Variants in ANKS1B observed in about 807,000 individuals in gnomAD.
The protein encoded by ANKS1B is ankyrin repeat and sterile alpha motif domain containing 1B.
In ANKS1B, 36 loss-of-function variants were observed where a neutral mutation model predicts 148.3. The observed-to-expected ratio is 0.24, with a 90% CI of 0.19 to 0.32. The LOEUF (loss-of-function observed/expected upper bound fraction) is 0.32, where lower values mean the gene tolerates loss of function less well. Among genes scored for constraint, ANKS1B ranks in the 10% least tolerant of loss-of-function variants. ANKS1B has a pLI of 1.00. For synonymous variants in ANKS1B, 542 were observed against 560.8 expected (o/e 0.97, Z 0.47); for missense variants, 1,157 against 1,542.6 (o/e 0.75, Z 4.19).
intron 14 of ANKS1B, among the ~76,000 whole-genome samples, chr12:99,160,420 T>C (rs1350353428): frequency 1.3e-5 from 2 of 151,588 alleles, no homozygotes; most frequent in South Asian, 2.1e-4. Flanking sequence ...CTCACTGCAA[T>C]CTCCGCCTCC....
intron 17 of ANKS1B, among the ~76,000 whole-genome samples, chr12:99,042,740 C>T (rs2099959888): frequency 6.6e-6 from 1 of 152,136 alleles, no homozygotes; most frequent in South Asian, 2.1e-4. Context: ...ACAACAATAT[C>T]TAGCAGACAG....
At chr12:98,810,918 G>A (rs763069325) in intron 19 of ANKS1B, among the ~76,000 whole-genome samples, 7 of 152,188 alleles carry the variant, frequency 4.6e-5, no homozygotes, top group Admixed American at 2.0e-4. Context: ...CTCGGTCTGC[G>A]CTTTGACTTC....
intron 6 of ANKS1B, among the ~76,000 whole-genome samples, chr12:99,777,422 C>A (rs2063759670): frequency 6.6e-6 from 1 of 152,172 alleles, no homozygotes; most frequent in South Asian, 2.1e-4. Flanking sequence ...AAGATAGTTA[C>A]TCCCATGTAA....
At position 98,809,649 on chromosome 12, in the gene ANKS1B, GA is replaced by G. The variant is rs1200001353; in HGVS notation, c.3067-1732del. 2.0e-5 allele frequency among the ~76,000 whole-genome samples: 3 copies of G among 152,184 alleles called. No individual in the cohort carries two copies. The East Asian group carries it at 5.8e-4, about 29-fold the overall frequency. ...TGTGAGCCTGGTACTGATGTCACCA[GA>G]AGGCAGAGGGCCACTCCAGCTATAT... On this transcript the variant is annotated intron_variant, in intron 19 of 26. Transcript: ENST00000683438.
chr12:99,055,726 G>GGC (rs1555196743), intron 16 of ANKS1B, among the ~76,000 whole-genome samples: 2 of 150,402 alleles, frequency 1.3e-5, no homozygotes, highest in Non-Finnish European at 3.0e-5. Context: ...AAACTTGGGG[G>GGC]GGGGGGAGGT....
chr12:99,284,771 T>C (rs924086857), intron 12 of ANKS1B, among the ~76,000 whole-genome samples: 1 of 152,172 alleles, frequency 6.6e-6, no homozygotes, highest in Non-Finnish European at 1.5e-5. Context: ...TGGAACAACG[T>C]CCAAGCTCCT....
Position 99,159,487 on chromosome 12 carries a change from T to A in ANKS1B, c.2420-5092A>T, listed in dbSNP as rs186093689. Among the ~76,000 whole-genome samples the A allele has an allele frequency of 3.4e-3, 520 of 152,330 alleles. 2 individuals are homozygous for A. Among genetic ancestry groups the A allele is most frequent in the African/African-American group, 0.012 (487 of 41,568 alleles). On this transcript the variant is annotated intron_variant, in intron 14 of 26. Transcript: ENST00000683438. ...AGTGAGAACATACAGTACTTGGTTT[T>A]CTGTTCCTGCATTAATTTCCTTAGA...
chr12:99,068,697 G>A (rs1049399157), intron 16 of ANKS1B, among the ~76,000 whole-genome samples: 2 of 126,228 alleles, frequency 1.6e-5, no homozygotes, highest in Non-Finnish European at 3.5e-5. Context: ...TGGGAGGGGT[G>A]GGGGGCAGAG....
intron 14 of ANKS1B, among the ~76,000 whole-genome samples, chr12:99,187,392 G>T (rs568639200): frequency 6.6e-6 from 1 of 152,060 alleles, no homozygotes; most frequent in Non-Finnish European, 1.5e-5. Flanking sequence ...ATAATTGTCC[G>T]ATTCACCAAG....
intron 12 of ANKS1B, among the ~76,000 whole-genome samples, chr12:99,292,684 G>A (rs1370862445): frequency 6.6e-6 from 1 of 152,054 alleles, no homozygotes; most frequent in African/African-American, 2.4e-5. Flanking sequence ...TCAAAAAGTG[G>A]GCAAAATATG....
chr12:99,427,285 T>C (rs922597514), intron 11 of ANKS1B, among the ~76,000 whole-genome samples: 4 of 152,342 alleles, frequency 2.6e-5, no homozygotes, highest in African/African-American at 9.6e-5. Context: ...ATTGGCTCTC[T>C]GTCTTCTCTG....
chr12:99,815,895 A>T (rs1565783607), intron 2 of ANKS1B, among the ~76,000 whole-genome samples: 1 of 151,676 alleles, frequency 6.6e-6, no homozygotes, highest in Non-Finnish European at 1.5e-5. Flanking sequence ...ACTCATTGGC[A>T]CTTAGGTTGG....
intron 21 of ANKS1B, among the ~76,000 whole-genome samples, chr12:98,800,281 GA>G (rs1253295189): frequency 6.8e-6 from 1 of 147,896 alleles, no homozygotes; most frequent in Non-Finnish European, 1.5e-5. Context: ...TAAATCAAAT[GA>G]AGGTGAAATT....
intron 8 of ANKS1B, among the ~76,000 whole-genome samples, chr12:99,699,262 A>G (rs896013223): frequency 6.6e-6 from 1 of 152,198 alleles, no homozygotes; most frequent in African/African-American, 2.4e-5. Flanking sequence ...ATGGAAGAGA[A>G]GTCACCATTT....
chr12:99,661,785 A>G (rs529637321), intron 8 of ANKS1B, among the ~76,000 whole-genome samples: 9 of 152,284 alleles, frequency 5.9e-5, no homozygotes, highest in African/African-American at 1.7e-4. Context: ...TATTCTTTGA[A>G]TAAATACCAC....
intron 4 of ANKS1B, among the ~76,000 whole-genome samples, chr12:99,784,462 G>A (rs368076103): frequency 1.3e-5 from 2 of 152,084 alleles, no homozygotes; most frequent in Non-Finnish European, 2.9e-5. Flanking sequence ...GTGAGCCACC[G>A]CGCCTGGCCC....
In ANKS1B at chr12:99,830,455, GA is replaced by G. The variant is rs534372610; in HGVS notation, c.135-5067del. Among the ~76,000 whole-genome samples, 79 of 151,390 alleles carry G rather than the reference GA, an allele frequency of 5.2e-4. 1 individual carries two copies. The highest frequency in any genetic ancestry group is 1.4e-3 in the East Asian group (7 of 5,162). On this transcript the variant is annotated intron_variant, in intron 1 of 26. Coordinates refer to ENST00000683438, the MANE Select transcript of ANKS1B (RefSeq NM_001352186.2). ...AAATTTGATTTAGAAGAATTTACGG[GA>G]AAAAAAATTGTGAAACAAGAAGTAA...
intron 4 of ANKS1B, among the ~76,000 whole-genome samples, chr12:99,793,655 T>G (rs2065916350): frequency 6.6e-6 from 1 of 152,074 alleles, no homozygotes; most frequent in South Asian, 2.1e-4. Flanking sequence ...TCTCTCACAA[T>G]ATACAAAAAT....
Position 98,920,480 on chromosome 12 carries a change from G to A in ANKS1B, c.2779-88344C>T, listed in dbSNP as rs149804949. The stretch of plus-strand genomic sequence containing the variant: ...CACAATCATGGTGGAAGGAAAGGAG[G>A]AGCAAGTCACATCTTATGTGGATAG... On this transcript the variant is annotated intron_variant, in intron 17 of 26. Transcript: ENST00000683438. 2.3e-3 allele frequency among the ~76,000 whole-genome samples: 348 copies of A among 152,298 alleles called. 1 individual carries two copies. The highest frequency in any genetic ancestry group is 7.9e-3 in the African/African-American group (330 of 41,558).
Sources: allele counts gnomAD v4.1 joint callset (sites outside exome capture counted in the v4.1 genomes callset), GRCh38; gene constraint gnomAD v4.1.1; transcripts MANE v1.5; gene names NCBI Gene and HGNC (gene_info 2026-07-23, HGNC 2026-07-21).